The following BCKDHB variants were observed in gnomAD, a reference collection of about 807,000 sequenced individuals.
BCKDHB encodes the protein 2-oxoisovalerate dehydrogenase subunit beta, mitochondrial.
A neutral mutation model predicts 48.5 loss-of-function variants in BCKDHB; 41 were observed. That is an observed-to-expected ratio of 0.85 (90% CI 0.66 to 1.10). The LOEUF (loss-of-function observed/expected upper bound fraction) is 1.10. BCKDHB is among the 50% of genes least tolerant of loss of function. The pLI is 0.00. For missense variants in BCKDHB, 496 were observed against 494.2 expected, an observed-to-expected ratio of 1.00 and a Z score of -0.03; for synonymous variants, 201 against 174.8, an observed-to-expected ratio of 1.15 and a Z score of -1.18.
chr6:80,272,503 T>C (rs1489094179), intron 8 of BCKDHB, among the ~76,000 whole-genome samples: 1 of 152,142 alleles, frequency 6.6e-6, no homozygotes, highest in Non-Finnish European at 1.5e-5. Flanking sequence ...TTTTACAGAG[T>C]GTATCATGCA....
Position 80,106,815 on chromosome 6 carries a change from C to T in BCKDHB, c.122C>T (p.Thr41Ile), listed in dbSNP as rs35470366. The part of the protein sequence containing the change: ...LARGFLHPAA[T>I]VEDAAQRRQV... ...CGGGGCTTTTTGCACCCCGCCGCGA[C>T]TGTCGAGGATGCGGCCCAGAGGCGG... The change falls in exon 1 of 10, where the codon ACT becomes ATT. Residue 41 changes from threonine to isoleucine, a missense_variant. Physicochemically the swap from Thr to Ile is moderately conservative, Grantham distance 89. Transcript: ENST00000320393. The T allele has an allele frequency of 7.3e-4, 1,176 of 1,608,842 alleles. 7 individuals are homozygous for T. In the African/African-American group the frequency reaches 0.013, roughly 18 times the overall value.
intron 9 of BCKDHB, among the ~76,000 whole-genome samples, chr6:80,278,832 A>G (rs1176805607): frequency 6.6e-6 from 1 of 151,956 alleles, no homozygotes; most frequent in East Asian, 1.9e-4. Flanking sequence ...GCCTTTCCCC[A>G]TTCTTTCCTG....
chr6:80,410,518 G>C, the BCKDHB span, among the ~76,000 whole-genome samples: 2 of 152,132 alleles, frequency 1.3e-5, no homozygotes, highest in African/African-American at 4.8e-5. Flanking sequence ...GAGTTCTGCT[G>C]TACAATATAC....
chr6:80,272,259 A>G lies in BCKDHB; in HGVS notation c.952-876A>G, dbSNP rs578128166. Among the ~76,000 whole-genome samples the G allele has an allele frequency of 2.0e-5, 3 of 152,288 alleles. No individual in the cohort carries two copies. In the South Asian group the frequency reaches 6.2e-4, roughly 32 times the overall value. ...AGAATGAATGAAATCTTTTATTTCAATAGATATTTTTGCTTGAAAGATTTC... is the reference window on the plus strand; with the variant it reads ...AGAATGAATGAAATCTTTTATTTCAGTAGATATTTTTGCTTGAAAGATTTC... On this transcript the variant is annotated intron_variant, in intron 8 of 9. Transcript: ENST00000320393.
At chr6:80,463,155 TA>T in the BCKDHB span, 1 of 152,240 alleles carries the variant, frequency 6.6e-6, no homozygotes, top group Non-Finnish European at 1.5e-5. Context: ...TATTTCGAAT[TA>T]TCTGTTATGA....
intron 5 of BCKDHB, among the ~76,000 whole-genome samples, chr6:80,169,410 T>C (rs1772778309): frequency 6.6e-6 from 1 of 152,228 alleles, no homozygotes; most frequent in Non-Finnish European, 1.5e-5. Flanking sequence ...TTTTGTTTAG[T>C]CTGTATTTAC....
At chr6:80,321,267 C>T (rs977898140) in intron 9 of BCKDHB, among the ~76,000 whole-genome samples, 1 of 152,144 alleles carries the variant, frequency 6.6e-6, no homozygotes, top group African/African-American at 2.4e-5. Context: ...ATTTTCCATC[C>T]TTAAGTATCT....
Position 80,174,462 on chromosome 6 carries a change from A to G in BCKDHB, c.742+3072A>G, listed in dbSNP as rs578151452. 2.0e-5 allele frequency among the ~76,000 whole-genome samples: 3 copies of G among 152,260 alleles called. No individual in the cohort carries two copies. The East Asian group carries it at 5.8e-4, about 29-fold the overall frequency. ...TCAAGTCCCATGGCTGGCCTGTGGA[A>G]CGTGCATGTACAAAAAGTTGGCCCT... On this transcript the variant is annotated intron_variant, in intron 6 of 9. Transcript: ENST00000320393.
chr6:80,282,643 A>G lies in BCKDHB; in HGVS notation c.1038+9422A>G, dbSNP rs1766394166. Among the ~76,000 whole-genome samples the G allele has an allele frequency of 2.6e-5, 4 of 152,160 alleles. No individual in the cohort carries two copies. In the South Asian group the frequency reaches 8.3e-4, roughly 32 times the overall value. On this transcript the variant is annotated intron_variant, in intron 9 of 9. Transcript: ENST00000320393. The stretch of plus-strand genomic sequence containing the variant: ...AAATAGTAAATGAAAACTCACCTGT[A>G]TGCAAACCTACAGGTACTTTACTTG...
intron 9 of BCKDHB, among the ~76,000 whole-genome samples, chr6:80,307,291 A>G (rs1767928500): frequency 1.3e-5 from 2 of 152,204 alleles, no homozygotes; most frequent in Admixed American, 1.3e-4. Context: ...TATAGCTAAC[A>G]TATAGGGTTC....
At chr6:80,375,291 C>T in the BCKDHB span, among the ~76,000 whole-genome samples, 1 of 152,138 alleles carries the variant, frequency 6.6e-6, no homozygotes. Context: ...ACCAATTATT[C>T]TTAGGTTTGG....
chr6:80,327,781 C>A (rs1769106022), intron 9 of BCKDHB, among the ~76,000 whole-genome samples: 1 of 151,932 alleles, frequency 6.6e-6, no homozygotes, highest in Non-Finnish European at 1.5e-5. Context: ...ATGAAGTTAG[C>A]CCCCTTCAGC....
chr6:80,386,963 C>T, the BCKDHB span, among the ~76,000 whole-genome samples: 2 of 152,096 alleles, frequency 1.3e-5, no homozygotes, highest in Non-Finnish European at 2.9e-5. Flanking sequence ...ACAATTTATG[C>T]AGTGAATCTT....
rs188013783 is a variant in BCKDHB at position 80,190,453 on chromosome 6, G to A, written c.743-10481G>A. ...AGTGGTTATGAGCTTGGACCGCTGA[G>A]TGGCCACACTATCTATAACCGAGTT... On this transcript the variant is annotated intron_variant, in intron 6 of 9. Coordinates refer to ENST00000320393, the MANE Select transcript of BCKDHB (RefSeq NM_183050.4). 2.6e-5 allele frequency among the ~76,000 whole-genome samples: 4 copies of A among 152,136 alleles called. No homozygotes were observed. In the East Asian group the frequency reaches 7.7e-4, roughly 29 times the overall value.
At chr6:80,148,001 A>G (rs1771573417) in intron 3 of BCKDHB, among the ~76,000 whole-genome samples, 1 of 152,172 alleles carries the variant, frequency 6.6e-6, no homozygotes, top group Non-Finnish European at 1.5e-5. Context: ...TTAGGAGGCC[A>G]TTGGTACTTG....
chr6:80,287,168 T>A (rs1028939355), intron 9 of BCKDHB, among the ~76,000 whole-genome samples: 1 of 152,138 alleles, frequency 6.6e-6, no homozygotes, highest in Non-Finnish European at 1.5e-5. Flanking sequence ...GAAGCTTGCA[T>A]AGAGTCAGAG....
At chr6:80,285,698 A>C (rs1766595782) in intron 9 of BCKDHB, among the ~76,000 whole-genome samples, 1 of 152,164 alleles carries the variant, frequency 6.6e-6, no homozygotes, top group African/African-American at 2.4e-5. Context: ...ACCATGGGTA[A>C]ACTAAGCATT....
chr6:80,423,485 C>T, the BCKDHB span, among the ~76,000 whole-genome samples: 6 of 152,154 alleles, frequency 3.9e-5, no homozygotes, highest in Admixed American at 1.3e-4. Context: ...TCCTATATTG[C>T]TTTCTTCTTA....
At chr6:80,187,119 A>C (rs1423612906) in intron 6 of BCKDHB, among the ~76,000 whole-genome samples, 1 of 152,184 alleles carries the variant, frequency 6.6e-6, no homozygotes, top group African/African-American at 2.4e-5. Context: ...TGGGAGCTAC[A>C]TGTTAGTCCT....
Sources: gnomAD v4.1 joint callset for allele counts (sites outside exome capture counted in the v4.1 genomes callset) on GRCh38, gnomAD v4.1.1 for gene constraint, MANE v1.5 for transcripts, NCBI Gene and HGNC (gene_info 2026-07-23, HGNC 2026-07-21) for gene names.